Variants in LIN9 observed in about 807,000 individuals in gnomAD.
LIN9 encodes protein lin-9 homolog.
LIN9 carries 18 observed loss-of-function variants against 78.0 expected under a neutral mutation model. That is an observed-to-expected ratio of 0.23 (90% CI 0.16 to 0.34). The LOEUF is 0.34. LIN9 is among the 10% of genes least tolerant of loss of function. The pLI, the probability that LIN9 is intolerant of heterozygous loss-of-function variation, is 1.00. For synonymous variants in LIN9, 192 were observed against 215.2 expected (o/e 0.89, Z 0.94); for missense variants, 451 against 644.1 (o/e 0.70, Z 3.25).
At chr1:226,278,198 G>A (rs1177929709) in intron 6 of LIN9, among the ~76,000 whole-genome samples, 1 of 152,154 alleles carries the variant, frequency 6.6e-6, no homozygotes, top group Non-Finnish European at 1.5e-5. Flanking sequence ...GGAGGCTGAG[G>A]CGGACAGATC....
intron 11 of LIN9, among the ~76,000 whole-genome samples, chr1:226,249,268 G>A (rs1269784769): frequency 6.6e-6 from 1 of 152,212 alleles, no homozygotes; most frequent in Non-Finnish European, 1.5e-5. Context: ...TTAGAGTCCA[G>A]TAGGAAAGAA....
chr1:226,257,399 AC>A (rs1659274102), intron 10 of LIN9, among the ~76,000 whole-genome samples: 3 of 152,268 alleles, frequency 2.0e-5, no homozygotes, highest in South Asian at 4.1e-4. Context: ...CCAACAGATA[AC>A]AGTTTGTTCA....
chr1:226,259,010 A>C (rs1576303396), intron 10 of LIN9, among the ~76,000 whole-genome samples: 1 of 136,428 alleles, frequency 7.3e-6, no homozygotes, highest in African/African-American at 2.7e-5. Context: ...TTGCTCTGTC[A>C]CCCAGGCCAG....
chr1:226,233,683 T>C (rs956862226), intron 12 of LIN9, among the ~76,000 whole-genome samples, 160 bp from the exon 13 acceptor site: 1 of 152,234 alleles, frequency 6.6e-6, no homozygotes, highest in African/African-American at 2.4e-5. Flanking sequence ...TAACAGTTTC[T>C]GATTTTCTAT....
chr1:226,242,538 A>C (rs1658181850), intron 11 of LIN9, among the ~76,000 whole-genome samples: 2 of 152,250 alleles, frequency 1.3e-5, no homozygotes, highest in African/African-American at 4.8e-5. Context: ...GCTATTTTAA[A>C]CAAGTTACAA....
At position 226,295,881 on chromosome 1, in the gene LIN9, C is replaced by T. The variant is rs779374034; in HGVS notation, c.225G>A (p.Arg75=). 4.3e-6 allele frequency: 7 copies of T among 1,613,250 alleles called. No homozygotes were observed. Among genetic ancestry groups the T allele is most frequent in the Admixed American group, 1.7e-5 (1 of 59,838 alleles). ...SDEDDRQINT[R]SPKRNQRVAM... ...CAACCCTCTGGTTTCTTTTAGGTGA[C>T]CTTGTATTTATTTGCCTATCATCTT... The change falls in exon 4 of 15, where the codon AGG becomes AGA. Residue 75 remains arginine (R), a synonymous_variant. Coordinates refer to ENST00000681046, the MANE Select transcript of LIN9 (RefSeq NM_001366245.2).
chr1:226,280,424 A>G (rs1423119659), intron 6 of LIN9, among the ~76,000 whole-genome samples: 1 of 152,172 alleles, frequency 6.6e-6, no homozygotes, highest in Non-Finnish European at 1.5e-5. Context: ...ATATATGGGA[A>G]GAATATGAGA....
At chr1:226,271,567 T>C (rs1660280644) in intron 7 of LIN9, among the ~76,000 whole-genome samples, 1 of 152,222 alleles carries the variant, frequency 6.6e-6, no homozygotes. Flanking sequence ...CAGTTGAGTG[T>C]ATTGTTCTAA....
chr1:226,246,248 C>T (rs921794135), intron 11 of LIN9, among the ~76,000 whole-genome samples: 3 of 152,166 alleles, frequency 2.0e-5, no homozygotes, highest in African/African-American at 2.4e-5. Context: ...TTGTCTACAA[C>T]TGTCCTTGTA....
At chr1:226,285,127 G>A (rs1661313005) in intron 6 of LIN9, among the ~76,000 whole-genome samples, 1 of 152,090 alleles carries the variant, frequency 6.6e-6, no homozygotes, top group Admixed American at 6.6e-5. Flanking sequence ...CAATTAACGA[G>A]AAATATTATG....
intron 7 of LIN9, among the ~76,000 whole-genome samples, chr1:226,268,657 G>A (rs1050545604): frequency 6.6e-6 from 1 of 152,188 alleles, no homozygotes; most frequent in African/African-American, 2.4e-5. Flanking sequence ...CCCTCTGGAA[G>A]ACTGGAATTT....
intron 12 of LIN9, among the ~76,000 whole-genome samples, chr1:226,234,323 T>G (rs1657544896): frequency 6.6e-6 from 1 of 152,248 alleles, no homozygotes; most frequent in African/African-American, 2.4e-5. Flanking sequence ...TTTCTCACTC[T>G]TAACACTGCT....
chr1:226,251,281 G>A lies in LIN9; in HGVS notation c.1039-362C>T, dbSNP rs1658821483. Among the ~76,000 whole-genome samples the A allele has an allele frequency of 2.7e-5, 4 of 148,124 alleles. No homozygotes were observed. In the South Asian group the frequency reaches 8.4e-4, roughly 31 times the overall value. On this transcript the variant is annotated intron_variant, in intron 10 of 14. Transcript: ENST00000681046. ...CTTGCTCTGCTGCCCAGGCTGGAGT[G>A]CAATGGCGTGATCTTGGCTCACGGC...
chr1:226,283,840 C>G (rs1186226695), intron 6 of LIN9, among the ~76,000 whole-genome samples: 1 of 151,886 alleles, frequency 6.6e-6, no homozygotes, highest in Non-Finnish European at 1.5e-5. Flanking sequence ...CCCAGCTACT[C>G]TACTCAGGAG....
chr1:226,297,462 A>G (rs192933565), intron 3 of LIN9, among the ~76,000 whole-genome samples: 52 of 152,326 alleles, frequency 3.4e-4, no homozygotes, highest in Admixed American at 5.9e-4. Context: ...GTATCTAATA[A>G]AAGTATAAGT....
chr1:226,233,277 T>G (rs1380688589), intron 13 of LIN9, 67 bp downstream of exon 13: 3 of 1,527,542 alleles, frequency 2.0e-6, no homozygotes, highest in Non-Finnish European at 2.7e-6. Context: ...ATGAATTAAT[T>G]TCTTAGCAAC....
In LIN9 at chr1:226,239,010, T is replaced by A; in HGVS notation, c.1206A>T (p.Leu402=). The A allele has an allele frequency of 6.2e-7, 1 of 1,613,860 alleles. No homozygotes were observed. The highest frequency in any genetic ancestry group is 8.5e-7 in the Non-Finnish European group (1 of 1,179,872). ...VLELEQLNKD[L]NKVLHKVQQY... ...GTTGAACTTTATGCAAAACTTTGTTTAGGTCCTTGTTCAGCTGTTCAAGCT... is the reference window on the plus strand; with the variant it reads ...GTTGAACTTTATGCAAAACTTTGTTAAGGTCCTTGTTCAGCTGTTCAAGCT... Residue 402 remains leucine (L), a synonymous_variant, in exon 12 of 15, where the codon CTA becomes CTT. Coordinates refer to ENST00000681046, the MANE Select transcript of LIN9 (RefSeq NM_001366245.2).
intron 11 of LIN9, among the ~76,000 whole-genome samples, chr1:226,239,816 C>T (rs1353927141): frequency 6.6e-6 from 1 of 152,148 alleles, no homozygotes; most frequent in Non-Finnish European, 1.5e-5. Context: ...CATTTCCTTC[C>T]CTCTCTTCAC....
At chr1:226,286,551 C>T in intron 5 of LIN9, 93 bp from the exon 6 acceptor site, 1 of 897,898 alleles carries the variant, frequency 1.1e-6, no homozygotes, top group Non-Finnish European at 1.7e-6. Flanking sequence ...TTCACTTCTA[C>T]CCCATATATA....
Sources: allele counts gnomAD v4.1 joint callset (sites outside exome capture counted in the v4.1 genomes callset), GRCh38; gene constraint gnomAD v4.1.1; transcripts MANE v1.5; gene names NCBI Gene and HGNC (gene_info 2026-07-23, HGNC 2026-07-21).